Variants in ANKRD11 observed in about 807,000 individuals in gnomAD.
ANKRD11 encodes ankyrin repeat domain 11.
ANKRD11 carries 17 observed loss-of-function variants against 195.7 expected under a neutral mutation model. The observed-to-expected ratio is 0.09, with a 90% CI of 0.06 to 0.13. ANKRD11 has a LOEUF of 0.13. ANKRD11 is among the 10% of genes least tolerant of loss of function. The pLI is 1.00. For missense variants in ANKRD11, 3,735 were observed against 3,566.1 expected (o/e 1.05, Z -1.21); for synonymous variants, 1,953 against 1,528.1 (o/e 1.28, Z -6.49).
At chr16:89,294,967 T>C (rs1468411766) in intron 4 of ANKRD11, among the ~76,000 whole-genome samples, 1 of 152,228 alleles carries the variant, frequency 6.6e-6, no homozygotes, top group African/African-American at 2.4e-5. Flanking sequence ...AGCCAGCAAG[T>C]TCCTGTAGCA....
Position 89,280,950 on chromosome 16 carries a change from A to C in ANKRD11, c.5592T>G (p.Ala1864=), listed in dbSNP as rs371295123. 2 of 1,579,352 alleles carry C rather than the reference A, an allele frequency of 1.3e-6. No homozygotes were observed. The change falls in exon 9 of 13, where the codon GCT becomes GCG. Residue 1864 remains alanine (A), a synonymous_variant. Coordinates refer to ENST00000301030, the MANE Select transcript of ANKRD11 (RefSeq NM_013275.6). ...DYGLPSPKVD[A]LHCPPAAVVT... is the part of the protein sequence containing the mutation. ...CAACGGCAGCCGGTGGGCAGTGCAA[A>C]GCGTCGACTTTGGGCGACGGGAGGC...
chr16:89,279,923 G>C lies in ANKRD11; in HGVS notation c.6619C>G (p.Pro2207Ala). The change falls in exon 9 of 13, where the codon CCC (proline) becomes GCC (alanine). Residue 2207 changes from proline (P) to alanine (A), a missense_variant. Pro to Ala is a conservative substitution (Grantham distance 27). Transcript: ENST00000301030. This position sits in a 1 kb window ranked among gnomAD's most constrained non-coding sequence, Gnocchi z 5.6. ...TRLPAELEPEPSGEPKLDVAL... is the reference protein window; with the variant it reads ...TRLPAELEPEASGEPKLDVAL... The stretch of plus-strand genomic sequence containing the variant: ...ACGTCCAGCTTTGGCTCCCCTGAGG[G>C]CTCAGGCTCGAGCTCTGCAGGGAGC... The C allele has an allele frequency of 6.2e-7, 1 of 1,609,860 alleles. No homozygotes were observed.
At chr16:89,463,714 T>C (rs1597488781) in intron 1 of ANKRD11, among the ~76,000 whole-genome samples, 3 of 151,068 alleles carry the variant, frequency 2.0e-5, no homozygotes, top group African/African-American at 7.3e-5. Flanking sequence ...ACTGGATAAG[T>C]GTTTTTCAAT....
intron 3 of ANKRD11, among the ~76,000 whole-genome samples, chr16:89,307,351 C>T (rs2036346903): frequency 6.6e-6 from 1 of 152,190 alleles, no homozygotes; most frequent in Non-Finnish European, 1.5e-5. Flanking sequence ...CGTGCATCCA[C>T]CCAACCTGCA....
chr16:89,375,068 G>A (rs2152090071), intron 2 of ANKRD11, among the ~76,000 whole-genome samples: 1 of 152,196 alleles, frequency 6.6e-6, no homozygotes, highest in East Asian at 1.9e-4. Context: ...GCATCGTTCA[G>A]CAGAGGGAAA....
Position 89,282,348 on chromosome 16 carries a change from C to T in ANKRD11, c.4194G>A (p.Glu1398=). The change falls in exon 9 of 13, where the codon GAG becomes GAA. Residue 1398 remains glutamate (E), a synonymous_variant. Coordinates refer to ENST00000301030, the MANE Select transcript of ANKRD11 (RefSeq NM_013275.6). Reference sequence around the variant, plus strand: ...TGTAAGAAACTCCGTAAGCATCCGCCTCCAGGAAGTCCTTTTCGTACTGGC... The same window carrying T: ...TGTAAGAAACTCCGTAAGCATCCGCTTCCAGGAAGTCCTTTTCGTACTGGC... ...DSGQYEKDFL[E]ADAYGVSYNM... is the part of the protein sequence containing the mutation. The T allele has an allele frequency of 6.2e-7, 1 of 1,614,192 alleles. No individual in the cohort carries two copies. The highest frequency in any genetic ancestry group is 8.5e-7 in the Non-Finnish European group (1 of 1,180,048).
intron 2 of ANKRD11, among the ~76,000 whole-genome samples, chr16:89,365,511 C>T (rs1001414860): frequency 2.6e-5 from 4 of 152,258 alleles, no homozygotes; most frequent in Non-Finnish European, 5.9e-5. Flanking sequence ...CTGAGACACT[C>T]TGCCCAAGAA....
intron 2 of ANKRD11, among the ~76,000 whole-genome samples, chr16:89,409,805 T>C (rs781270048): frequency 1.3e-5 from 2 of 151,096 alleles, no homozygotes; most frequent in Non-Finnish European, 2.9e-5. Context: ...GGCATCTTTC[T>C]GCTCACTTCT....
chr16:89,300,757 A>G (rs2035802163), intron 4 of ANKRD11: 1 of 611,312 alleles, frequency 1.6e-6, no homozygotes, highest in East Asian at 3.0e-5. Flanking sequence ...AGGAACCAGC[A>G]TGTGCCTGGC....
intron 2 of ANKRD11, among the ~76,000 whole-genome samples, chr16:89,335,707 G>A (rs761319983): frequency 2.0e-5 from 3 of 152,190 alleles, no homozygotes; most frequent in Non-Finnish European, 4.4e-5. Flanking sequence ...GAGCGCCCAG[G>A]GGCCTGCAAA....
intron 2 of ANKRD11, among the ~76,000 whole-genome samples, chr16:89,355,550 C>A (rs1419534857): frequency 6.6e-6 from 1 of 152,168 alleles, no homozygotes; most frequent in African/African-American, 2.4e-5. Flanking sequence ...AACGCTCTCT[C>A]TTCCAGCAGG....
At chr16:89,376,314 C>T (rs895981395) in intron 2 of ANKRD11, among the ~76,000 whole-genome samples, 6 of 152,164 alleles carry the variant, frequency 3.9e-5, no homozygotes, top group African/African-American at 7.2e-5. Flanking sequence ...AGTTTTAGAA[C>T]GTTTGGCTTT....
At chr16:89,470,313 A>C (rs1019178408) in intron 1 of ANKRD11, among the ~76,000 whole-genome samples, 2 of 152,246 alleles carry the variant, frequency 1.3e-5, no homozygotes, top group East Asian at 3.9e-4. Flanking sequence ...CCCTTTCTAC[A>C]AATCCTGCCC....
At chr16:89,468,715 AG>A (rs922521248) in intron 1 of ANKRD11, among the ~76,000 whole-genome samples, 4 of 152,070 alleles carry the variant, frequency 2.6e-5, no homozygotes, top group African/African-American at 9.7e-5. Flanking sequence ...TCAAAAAAAA[AG>A]AAGGACGAAG....
chr16:89,452,668 G>C (rs2044133591), intron 1 of ANKRD11, among the ~76,000 whole-genome samples: 2 of 151,470 alleles, frequency 1.3e-5, no homozygotes, highest in Non-Finnish European at 2.9e-5. Flanking sequence ...TCTCAGCTCA[G>C]GAGGCTGAGG....
At chr16:89,478,636 C>T (rs2152366185) in intron 1 of ANKRD11, among the ~76,000 whole-genome samples, 1 of 152,360 alleles carries the variant, frequency 6.6e-6, no homozygotes, top group East Asian at 1.9e-4. Context: ...GCTGCCTGTA[C>T]AGGCCACGTC....
chr16:89,488,851 T>A (rs2057708528), intron 1 of ANKRD11, among the ~76,000 whole-genome samples: 1 of 152,204 alleles, frequency 6.6e-6, no homozygotes, highest in South Asian at 2.1e-4. Context: ...GCCTGAAATC[T>A]AATTTCTCTA....
At position 89,289,811 on chromosome 16, in the gene ANKRD11, C is replaced by T. The variant is rs563075020; in HGVS notation, c.601+814G>A. Among the ~76,000 whole-genome samples the T allele has an allele frequency of 5.9e-5, 9 of 152,296 alleles. No individual in the cohort carries two copies. The South Asian group carries it at 1.2e-3, about 21-fold the overall frequency. On this transcript the variant is annotated intron_variant, in intron 6 of 12. Transcript: ENST00000301030. ...ATCCCAGCACTTTGGGAAGCCAAGGCGTGAGGACTGCTTGAGGCCATGAGT... is the reference window on the plus strand; with the variant it reads ...ATCCCAGCACTTTGGGAAGCCAAGGTGTGAGGACTGCTTGAGGCCATGAGT...
chr16:89,282,032 TGGC>T lies in ANKRD11; in HGVS notation c.4507_4509del (p.Ala1503del). ...CGGGGCGGGCTGTCCTTGTCCCTGG[TGGC>T]GGGCTTCTGCTCGTCCCTGTGATGC... On this transcript the variant is annotated inframe_deletion, in exon 9 of 13. Coordinates refer to ENST00000301030, the MANE Select transcript of ANKRD11 (RefSeq NM_013275.6). 6.2e-7 allele frequency: 1 copy of T among 1,613,574 alleles called. No homozygotes were observed. The highest frequency in any genetic ancestry group is 8.5e-7 in the Non-Finnish European group (1 of 1,179,954).
Sources: allele counts gnomAD v4.1 joint callset (sites outside exome capture counted in the v4.1 genomes callset), GRCh38; gene constraint gnomAD v4.1.1; non-coding constraint Gnocchi (gnomAD v3.1); transcripts MANE v1.5; gene names NCBI Gene and HGNC (gene_info 2026-07-23, HGNC 2026-07-21).